The following PPP4R1 variants were observed in gnomAD, a reference collection of about 807,000 sequenced individuals.
The protein encoded by PPP4R1 is serine/threonine-protein phosphatase 4 regulatory subunit 1.
Under a neutral mutation model 111.2 loss-of-function variants are expected in PPP4R1, and 42 were observed. The observed-to-expected ratio is 0.38, with a 90% CI of 0.29 to 0.49. The LOEUF is 0.49. PPP4R1 is among the 20% of genes least tolerant of loss of function. PPP4R1 has a pLI of 0.97. For missense variants in PPP4R1, 1,012 were observed against 1,161.6 expected, an observed-to-expected ratio of 0.87 and a Z score of 1.87; for synonymous variants, 409 against 405.5, an observed-to-expected ratio of 1.01 and a Z score of -0.10.
In PPP4R1 at chr18:9,550,181, G is replaced by A. The variant is rs911096364; in HGVS notation, c.2418C>T (p.Ser806=). ...SVRWISYKLV[S]EMVKKLHAAT... is the part of the protein sequence containing the mutation. ...CCGCGTGCAGCTTCTTCACCATCTC[G>A]CTGACCTGGGAGGGTGAGCATGGAG... is the stretch of plus-strand genomic sequence containing the variant. The change falls in exon 18 of 20, where the codon AGC becomes AGT. Residue 806 remains serine (S), a synonymous_variant. Coordinates refer to ENST00000400556, the MANE Select transcript of PPP4R1 (RefSeq NM_001042388.3). 21 of 1,614,014 alleles carry A rather than the reference G, an allele frequency of 1.3e-5. No homozygotes were observed. The highest frequency in any genetic ancestry group is 1.7e-5 in the Non-Finnish European group (20 of 1,180,036).
chr18:9,589,016 A>T (rs1448503674), intron 4 of PPP4R1, among the ~76,000 whole-genome samples, 163 bp from the exon 5 acceptor site: 2 of 152,248 alleles, frequency 1.3e-5, no homozygotes, highest in Non-Finnish European at 2.9e-5. Context: ...AATCATACAC[A>T]GATCAATCCC....
intron 10 of PPP4R1, among the ~76,000 whole-genome samples, chr18:9,576,395 T>C (rs1233753476): frequency 6.6e-6 from 1 of 151,978 alleles, no homozygotes; most frequent in Non-Finnish European, 1.5e-5. Flanking sequence ...CCCCTAAATA[T>C]ATATTATAAT....
At chr18:9,588,970 T>G (rs921998966) in intron 4 of PPP4R1, 117 bp from the exon 5 acceptor site, 2 of 1,245,536 alleles carry the variant, frequency 1.6e-6, no homozygotes, top group Non-Finnish European at 2.2e-6. Flanking sequence ...ATAAAGGACT[T>G]GAGACAACAT....
Position 9,607,783 on chromosome 18 carries a change from CTT to C in PPP4R1, c.52+6441_52+6442del, listed in dbSNP as rs59033925. 4.0e-4 allele frequency among the ~76,000 whole-genome samples: 50 copies of C among 125,332 alleles called. 1 individual carries two copies. The highest frequency in any genetic ancestry group is 5.2e-4 in the South Asian group (2 of 3,874). 82.2% of individuals were successfully genotyped at this position (125,332 alleles called of 152,430 possible). A position where few individuals can be genotyped will look rare whatever the true frequency, so the allele number is the denominator to read the frequency against. On this transcript the variant is annotated intron_variant, in intron 2 of 19. Transcript: ENST00000400556. ...ACAGTTTGGCAGTTTTTCTTTCTTT[CTT>C]TTTTTTTTTTTTTTTTTGGATGGAG...
intron 2 of PPP4R1, among the ~76,000 whole-genome samples, chr18:9,601,866 C>T (rs1380977513): frequency 6.6e-6 from 1 of 152,112 alleles, no homozygotes; most frequent in African/African-American, 2.4e-5. Flanking sequence ...AGCTTTAGTT[C>T]ATCTTATCTC....
At position 9,614,222 on chromosome 18, in the gene PPP4R1, T is replaced by C; in HGVS notation, c.52+4A>G. On this transcript the variant is annotated splice_donor_region_variant and intron_variant, in intron 2 of 19. Transcript: ENST00000400556. This position sits in a 1 kb window ranked among gnomAD's most constrained non-coding sequence, Gnocchi z 4.1. ...CCAGGCCACCGCGAGGCCGGGCCAC[T>C]CACATCCGTCTGCGTCCTCCTGCAG... 7.4e-7 allele frequency: 1 copy of C among 1,356,722 alleles called. No individual in the cohort carries two copies. Among genetic ancestry groups the C allele is most frequent in the Non-Finnish European group, 9.6e-7 (1 of 1,042,188 alleles). The allele number at this position is 1,356,722 out of a possible 1,614,324, so 84.0% of individuals were successfully genotyped here.
intron 2 of PPP4R1, among the ~76,000 whole-genome samples, chr18:9,602,909 C>G (rs2067415452): frequency 6.6e-6 from 1 of 152,046 alleles, no homozygotes; most frequent in Non-Finnish European, 1.5e-5. Flanking sequence ...TAAGAGAGAT[C>G]TGGATTCAAA....
chr18:9,564,011 T>C (rs555050266), intron 11 of PPP4R1: 1 of 152,766 alleles, frequency 6.5e-6, no homozygotes, highest in Non-Finnish European at 1.5e-5. Context: ...TTTAAACATC[T>C]CATATCTTAT....
rs1320262678 is a variant in PPP4R1 at position 9,593,849 on chromosome 18, C to T, written c.214G>A (p.Asp72Asn). 1.9e-6 allele frequency: 3 copies of T among 1,613,578 alleles called. No homozygotes were observed. Among genetic ancestry groups the T allele is most frequent in the Non-Finnish European group, 1.7e-6 (2 of 1,179,824 alleles). Residue 72 changes from aspartate (D) to asparagine (N), a missense_variant, in exon 4 of 20, where the codon GAT (aspartate) becomes AAT (asparagine). By Grantham distance (23) the Asp-to-Asn change is conservative. Transcript: ENST00000400556. ...NRQMVARSLLDTLREVCDDER... is the reference protein window; with the variant it reads ...NRQMVARSLLNTLREVCDDER... ...TCATCGCAGACTTCCCTCAAGGTAT[C>T]GAGCAAACTCCGGGCCACCATTTGT...
chr18:9,603,433 G>A (rs2067425794), intron 2 of PPP4R1, among the ~76,000 whole-genome samples: 1 of 152,048 alleles, frequency 6.6e-6, no homozygotes, highest in South Asian at 2.1e-4. Flanking sequence ...TATTCTGGTT[G>A]ATCAACCAAG....
chr18:9,601,973 T>TA (rs1362735181), intron 2 of PPP4R1, among the ~76,000 whole-genome samples: 2 of 152,076 alleles, frequency 1.3e-5, no homozygotes, highest in African/African-American at 4.8e-5. Flanking sequence ...ACAATACAAA[T>TA]AAAGAGAACA....
intron 12 of PPP4R1, chr18:9,563,008 T>C (rs2066703002): frequency 2.0e-6 from 2 of 1,020,196 alleles, no homozygotes; most frequent in Non-Finnish European, 2.3e-6. Flanking sequence ...ACTGTGTTGC[T>C]TGCTGCAGTG....
At chr18:9,587,476 C>T (rs546878660) in intron 6 of PPP4R1, 11 of 150,932 alleles carry the variant, frequency 7.3e-5, no homozygotes, top group African/African-American at 2.4e-4. Context: ...GACCTCGGCT[C>T]ACTGTAACCT....
chr18:9,573,164 T>C (rs898786219), intron 10 of PPP4R1, among the ~76,000 whole-genome samples: 1 of 152,218 alleles, frequency 6.6e-6, no homozygotes, highest in African/African-American at 2.4e-5. Flanking sequence ...TTAAAAAATA[T>C]GTATTTTTCC....
rs542200807 is a variant in PPP4R1 at position 9,546,866 on chromosome 18, T to C, written c.*923A>G. On this transcript the variant is annotated 3_prime_UTR_variant, in exon 20 of 20. Transcript: ENST00000400556. ...TAATACAGGTCACAAATTGCATTTA[T>C]TGGTAGACATCTAGAAAACAATCAA... 1 of 152,340 alleles carries C rather than the reference T, an allele frequency of 6.6e-6. No individual in the cohort carries two copies. The highest frequency in any genetic ancestry group is 1.5e-5 in the Non-Finnish European group (1 of 68,028). 9.4% of individuals were successfully genotyped at this position (152,340 alleles called of 1,614,324 possible).
At position 9,547,661 on chromosome 18, in the gene PPP4R1, C is replaced by A; in HGVS notation, c.*128G>T. On this transcript the variant is annotated 3_prime_UTR_variant, in exon 20 of 20. Transcript: ENST00000400556. ...GGTATTGGGTGTAGGCAACTTGCAC[C>A]TGCAATGAAGTCCGCAGGAGAGGAA... 1 of 1,167,044 alleles carries A rather than the reference C, an allele frequency of 8.6e-7. No individual in the cohort carries two copies. The highest frequency in any genetic ancestry group is 1.2e-6 in the Non-Finnish European group (1 of 819,922). The allele number at this position is 1,167,044 out of a possible 1,614,324, so 72.3% of individuals were successfully genotyped here. A position where few individuals can be genotyped will look rare whatever the true frequency, so the allele number is the denominator to read the frequency against.
At chr18:9,556,015 G>C (rs2066575323) in intron 15 of PPP4R1, among the ~76,000 whole-genome samples, 1 of 126,004 alleles carries the variant, frequency 7.9e-6, no homozygotes, top group South Asian at 2.6e-4. Context: ...CACAAAATCG[G>C]CCGGGCTTAG....
intron 8 of PPP4R1, among the ~76,000 whole-genome samples, chr18:9,583,602 G>A (rs1286952029): frequency 2.0e-5 from 3 of 151,500 alleles, no homozygotes; most frequent in African/African-American, 7.3e-5. Context: ...CCTGACCTCA[G>A]GTGATCCACC....
intron 2 of PPP4R1, among the ~76,000 whole-genome samples, chr18:9,597,158 A>G (rs2067303348): frequency 1.3e-5 from 2 of 152,162 alleles, no homozygotes; most frequent in South Asian, 4.1e-4. Context: ...TAAAAAAAAG[A>G]TAAAACATAC....
Sources: gnomAD v4.1 joint callset for allele counts (sites outside exome capture counted in the v4.1 genomes callset) on GRCh38, gnomAD v4.1.1 for gene constraint, Gnocchi (gnomAD v3.1) non-coding constraint, MANE v1.5 for transcripts, NCBI Gene and HGNC (gene_info 2026-07-23, HGNC 2026-07-21) for gene names.